TTC34: variants seen among roughly 807,000 people sequenced by gnomAD.
The protein encoded by TTC34 is tetratricopeptide repeat protein 34.
Under a neutral mutation model 40.7 loss-of-function variants are expected in TTC34, and 44 were observed. The ratio of observed to expected loss-of-function variants is 1.08; its 90% CI spans 0.85 to 1.39. The LOEUF (loss-of-function observed/expected upper bound fraction) is 1.39, where lower values mean the gene tolerates loss of function less well. TTC34 is among the 40% of genes most tolerant of loss of function. The pLI is 0.00. For synonymous variants in TTC34, 422 were observed against 398.6 expected, an observed-to-expected ratio of 1.06 and a Z score of -0.70; for missense variants, 884 against 838.0, an observed-to-expected ratio of 1.05 and a Z score of -0.68.
At chr1:2,750,293 A>C in intron 6 of TTC34, among the ~76,000 whole-genome samples, 1 of 65,728 alleles carries the variant, frequency 1.5e-5, no homozygotes, top group Non-Finnish European at 2.5e-5. Context: ...CCCCCAGGTG[A>C]GCATCTGACA....
At chr1:2,644,916 C>T (rs1465136158) in intron 7 of TTC34, among the ~76,000 whole-genome samples, 4 of 152,130 alleles carry the variant, frequency 2.6e-5, no homozygotes, top group African/African-American at 4.8e-5. Context: ...GCCTGCATGT[C>T]GGCCCATGGG....
intron 2 of TTC34, among the ~76,000 whole-genome samples, chr1:2,795,630 G>C (rs1441570097): frequency 6.6e-6 from 1 of 152,196 alleles, no homozygotes; most frequent in South Asian, 2.1e-4. Flanking sequence ...TCTGTACGGA[G>C]AACAGACCCT....
intron 6 of TTC34, among the ~76,000 whole-genome samples, chr1:2,694,851 G>A (rs1193799002): frequency 3.4e-4 from 11 of 32,572 alleles, no homozygotes; most frequent in East Asian, 9.2e-4. Flanking sequence ...AGCATCTGAT[G>A]GTCTGGAGCA....
At chr1:2,768,306 G>C (rs539998394) in intron 6 of TTC34, among the ~76,000 whole-genome samples, 1 of 151,856 alleles carries the variant, frequency 6.6e-6, no homozygotes, top group Non-Finnish European at 1.5e-5. Flanking sequence ...TTGGATGTTC[G>C]CATGGGGGTG....
chr1:2,758,980 T>C (rs1641599723), intron 6 of TTC34, among the ~76,000 whole-genome samples: 1 of 9,664 alleles, frequency 1.0e-4, no homozygotes, highest in Non-Finnish European at 2.0e-4. Context: ...TCTGACGGGC[T>C]GGAGCAGCAC....
intron 4 of TTC34, 29 bp from the exon 5 acceptor site, chr1:2,786,052 G>A (rs972272383): frequency 2.1e-6 from 3 of 1,441,782 alleles, no homozygotes; most frequent in Admixed American, 5.3e-5. Context: ...CACTGCCCAT[G>A]CCCTTGGGAC....
chr1:2,749,238 C>T (rs1316908566), intron 6 of TTC34, among the ~76,000 whole-genome samples: 1 of 73,188 alleles, frequency 1.4e-5, no homozygotes, highest in Non-Finnish European at 2.4e-5. Flanking sequence ...GAGCAGCACC[C>T]ACACCCCCAT....
rs1220482211 is a variant in TTC34 at position 2,756,022 on chromosome 1, C to A, written c.2226+27587G>T. Among the ~76,000 whole-genome samples, 18 of 86,844 alleles carry A rather than the reference C, an allele frequency of 2.1e-4. 2 individuals carry two copies. Among genetic ancestry groups the A allele is most frequent in the East Asian group, 3.5e-4 (1 of 2,820 alleles). 57.0% of individuals were successfully genotyped at this position (86,844 alleles called of 152,430 possible). ...ATCTGACACCCTGAAACAGCACACA[C>A]ACCCCCAGGCGAGCATCTGACAACC... On this transcript the variant is annotated intron_variant, in intron 6 of 8. Coordinates refer to ENST00000401095, the Ensembl canonical transcript of TTC34.
intron 6 of TTC34, among the ~76,000 whole-genome samples, chr1:2,702,338 G>A (rs1364247439): frequency 1.0e-2 from 4 of 402 alleles, no homozygotes; most frequent in Admixed American, 0.028. Flanking sequence ...CTGGAGCAGC[G>A]CCCACACCCC....
chr1:2,753,072 A>G (rs1641378372), intron 6 of TTC34, among the ~76,000 whole-genome samples: 35 of 149,170 alleles, frequency 2.3e-4, no homozygotes, highest in East Asian at 8.0e-4. Flanking sequence ...TGAGCATCTG[A>G]CAGCCTGGAA....
chr1:2,781,331 A>G (rs1447495234), intron 6 of TTC34, among the ~76,000 whole-genome samples: 2 of 152,112 alleles, frequency 1.3e-5, no homozygotes, highest in East Asian at 3.8e-4. Flanking sequence ...CCCTTTTTAG[A>G]TTGTTCATTA....
intron 6 of TTC34, among the ~76,000 whole-genome samples, chr1:2,686,712 A>G (rs1640368900): frequency 1.4e-5 from 2 of 143,236 alleles, no homozygotes; most frequent in East Asian, 2.2e-4. Context: ...AGCCTGGAAC[A>G]GCACACACAC....
chr1:2,780,100 C>T (rs968194852), intron 6 of TTC34, among the ~76,000 whole-genome samples: 18 of 152,116 alleles, frequency 1.2e-4, no homozygotes, highest in Non-Finnish European at 1.6e-4. Flanking sequence ...GGTGACAGAG[C>T]GAGACTTCAG....
chr1:2,755,662 A>C lies in TTC34; in HGVS notation c.2226+27947T>G, dbSNP rs1377800361. ...CTGATGGTCTGGAGCAGCACCCACA[A>C]CCACAGGTGAGCATCTGACATCGTG... On this transcript the variant is annotated intron_variant, in intron 6 of 8. Transcript: ENST00000401095. 2.7e-3 allele frequency among the ~76,000 whole-genome samples: 12 copies of C among 4,474 alleles called. No homozygotes were observed. In the South Asian group the frequency reaches 0.029, roughly 11 times the overall value. The allele number at this position is 4,474 out of a possible 152,430, so 2.9% of individuals were successfully genotyped here.
intron 6 of TTC34, among the ~76,000 whole-genome samples, chr1:2,684,810 T>C (rs1640248670): frequency 8.8e-6 from 1 of 113,290 alleles, no homozygotes. Flanking sequence ...CAGGTGAGCA[T>C]CTGACATCGT....
At chr1:2,651,950 G>A (rs1209111859) in intron 6 of TTC34, among the ~76,000 whole-genome samples, 2 of 151,908 alleles carry the variant, frequency 1.3e-5, no homozygotes, top group African/African-American at 4.8e-5. Context: ...ACAGCCTGAA[G>A]CAGCACCTTC....
intron 6 of TTC34, among the ~76,000 whole-genome samples, chr1:2,768,526 A>G (rs1256262000): frequency 6.6e-6 from 1 of 151,638 alleles, no homozygotes; most frequent in East Asian, 1.9e-4. Context: ...ACAGCCTGGA[A>G]CAGCACCCCA....
At chr1:2,677,644 C>G (rs113434229) in intron 6 of TTC34, among the ~76,000 whole-genome samples, 42 of 142,240 alleles carry the variant, frequency 3.0e-4, no homozygotes, top group African/African-American at 5.6e-4. Context: ...TGGAACAGCA[C>G]ACACACCCCC....
At chr1:2,785,123 G>A (rs1643562362) in intron 5 of TTC34, among the ~76,000 whole-genome samples, 2 of 152,242 alleles carry the variant, frequency 1.3e-5, no homozygotes, top group African/African-American at 4.8e-5. Context: ...GGGCAACGCT[G>A]CCATCCCCCT....
Sources: allele counts gnomAD v4.1 joint callset (sites outside exome capture counted in the v4.1 genomes callset), GRCh38; gene constraint gnomAD v4.1.1; transcripts MANE v1.5; gene names NCBI Gene and HGNC (gene_info 2026-07-23, HGNC 2026-07-21).